The following PHLDB2 variants were observed in gnomAD, a reference collection of about 807,000 sequenced individuals.
The protein encoded by PHLDB2 is pleckstrin homology like domain family B member 2.
In PHLDB2, 71 loss-of-function variants were observed where a neutral mutation model predicts 123.6. The ratio of observed to expected loss-of-function variants is 0.57; its 90% CI spans 0.47 to 0.70. The LOEUF (loss-of-function observed/expected upper bound fraction) is 0.70. Ranked by LOEUF, PHLDB2 falls within the 30% of genes least tolerant of loss-of-function variation. The probability of loss-of-function intolerance (pLI) is 0.00; values close to 1 mark genes in which losing one functional copy is unlikely to be tolerated. For synonymous variants in PHLDB2, 547 were observed against 541.6 expected, an observed-to-expected ratio of 1.01 and a Z score of -0.14; for missense variants, 1,446 against 1,519.5, an observed-to-expected ratio of 0.95 and a Z score of 0.80.
chr3:111,822,087 T>C (rs2062413039), intron 1 of PHLDB2, among the ~76,000 whole-genome samples: 1 of 152,114 alleles, frequency 6.6e-6, no homozygotes, highest in Non-Finnish European at 1.5e-5. Flanking sequence ...ATTTGGCAAA[T>C]TTGGGTGATA....
Position 111,919,192 on chromosome 3 carries a change from C to A in PHLDB2, c.1840C>A (p.Gln614Lys), listed in dbSNP as rs201756409. ...LKQKIKDINDQMDESFRELDM... is the reference protein window; with the variant it reads ...LKQKIKDINDKMDESFRELDM... ...GCAAAAAATCAAAGACATAAATGAT[C>A]AGATGGATGAGTCTTTCAGAGAGGT... The change falls in exon 4 of 18, where the codon CAG (glutamine) becomes AAG (lysine). Residue 614 changes from glutamine to lysine, a missense_variant. Around this residue, in one of 3 missense-constraint regions of PHLDB2, gnomAD observed 832 missense variants for 831.9 expected, o/e 1.00. Transcript: ENST00000431670. 3 of 1,614,056 alleles carry A rather than the reference C, an allele frequency of 1.9e-6. No homozygotes were observed. The highest frequency in any genetic ancestry group is 1.1e-5 in the South Asian group (1 of 91,072).
intron 2 of PHLDB2, among the ~76,000 whole-genome samples, chr3:111,895,559 G>C (rs72938268): frequency 0.015 from 2,332 of 152,132 alleles, 48 homozygotes; most frequent in African/African-American, 0.053. Flanking sequence ...AAATATATAG[G>C]AGTGGAGGCC....
At chr3:111,766,864 C>A (rs2060091005) in intron 1 of PHLDB2, among the ~76,000 whole-genome samples, 1 of 151,950 alleles carries the variant, frequency 6.6e-6, no homozygotes, top group Admixed American at 6.6e-5. Context: ...GAAACCCCAT[C>A]TTTACTAAAA....
chr3:111,809,944 A>G (rs1050037404), intron 1 of PHLDB2, among the ~76,000 whole-genome samples: 1 of 152,218 alleles, frequency 6.6e-6, no homozygotes, highest in African/African-American at 2.4e-5. Flanking sequence ...CTCCCTCCTC[A>G]GCCTCCCAAG....
chr3:111,754,992 G>C (rs1481210876), intron 1 of PHLDB2, among the ~76,000 whole-genome samples: 7 of 151,996 alleles, frequency 4.6e-5, no homozygotes, highest in Non-Finnish European at 5.9e-5. Flanking sequence ...TGCATCCCAG[G>C]GATGAAGCCC....
intron 9 of PHLDB2, 23 bp downstream of exon 9, chr3:111,945,380 G>C (rs139768531): frequency 1.4e-6 from 2 of 1,480,808 alleles, no homozygotes. Flanking sequence ...TTTACATGTC[G>C]CTTTATGTTG....
At chr3:111,871,043 T>C (rs912499191) in intron 1 of PHLDB2, among the ~76,000 whole-genome samples, 2 of 152,232 alleles carry the variant, frequency 1.3e-5, no homozygotes, top group Non-Finnish European at 2.9e-5. Flanking sequence ...CTGAATTTGC[T>C]TCTGTAATCT....
In PHLDB2 at chr3:111,809,702, T is replaced by G. The variant is rs138584107; in HGVS notation, c.-48-36119T>G. Among the ~76,000 whole-genome samples, 334 of 152,308 alleles carry G rather than the reference T, an allele frequency of 2.2e-3. 1 individual carries two copies. The highest frequency in any genetic ancestry group is 6.1e-3 in the Admixed American group (93 of 15,288). On this transcript the variant is annotated intron_variant, in intron 1 of 17. Transcript: ENST00000393923. Reference sequence around the variant, plus strand: ...GCTCTGATTTGTGGTGGTGCTAAGTTTGGAAGAAATATGAATCAATGAAAT... The same window carrying G: ...GCTCTGATTTGTGGTGGTGCTAAGTGTGGAAGAAATATGAATCAATGAAAT...
rs1282501916 is a variant in PHLDB2, at chr3:111,966,664, G to T, written c.3129G>T (p.Lys1043Asn). Residue 1043 changes from lysine (K) to asparagine (N), a missense_variant, in exon 14 of 18, where the codon AAG becomes AAT. Around this residue, in one of 3 missense-constraint regions of PHLDB2, gnomAD observed 594 missense variants for 646.0 expected, o/e 0.92. Coordinates refer to ENST00000431670, the MANE Select transcript of PHLDB2 (RefSeq NM_001134438.2). ...TAGAAGAAATGGAGAGACTTTTGAA[G>T]CAGGCTCATGCAGAAAAGACGCGGC... ...ARIEEMERLL[K>N]QAHAEKTRLL... The T allele has an allele frequency of 1.2e-6, 2 of 1,613,462 alleles. No homozygotes were observed. Among genetic ancestry groups the T allele is most frequent in the Non-Finnish European group, 8.5e-7 (1 of 1,179,660 alleles).
intron 3 of PHLDB2, 107 bp downstream of exon 3, chr3:111,913,809 A>C: frequency 5.1e-6 from 7 of 1,382,840 alleles, no homozygotes; most frequent in Non-Finnish European, 6.8e-6. Flanking sequence ...GGATGTTTTC[A>C]GTGAAATTTC....
At chr3:111,955,067 TGTAATACATATATGCTACATATAC>T (rs2070958226) in intron 12 of PHLDB2, among the ~76,000 whole-genome samples, 1 of 151,542 alleles carries the variant, frequency 6.6e-6, no homozygotes, top group Non-Finnish European at 1.5e-5. Flanking sequence ...CGCACATATA[TGTAATACATATATGCTACATATAC>T]ATACATAAAT....
chr3:111,965,175 CTT>C (rs1349183928), intron 13 of PHLDB2, among the ~76,000 whole-genome samples: 2 of 152,202 alleles, frequency 1.3e-5, no homozygotes, highest in Non-Finnish European at 2.9e-5. Context: ...AGAACTTACT[CTT>C]TTGTATCTCC....
chr3:111,842,615 C>G (rs1340811422), intron 1 of PHLDB2, among the ~76,000 whole-genome samples: 1 of 152,116 alleles, frequency 6.6e-6, no homozygotes, highest in Non-Finnish European at 1.5e-5. Flanking sequence ...TGAGATATAA[C>G]TCACAGACCA....
In PHLDB2 at chr3:111,852,121, G is replaced by A. The variant is rs139982959; in HGVS notation, c.67+6186G>A. On this transcript the variant is annotated intron_variant, in intron 2 of 17. Coordinates refer to the PHLDB2 transcript ENST00000393923. ...CAGTATAAAACAGAGTAGGTGCTTC[G>A]TAAATTTGCCTTTAACATTCCTCAT... Among the ~76,000 whole-genome samples, 379 of 151,632 alleles carry A rather than the reference G, an allele frequency of 2.5e-3. 1 individual carries two copies. The highest frequency in any genetic ancestry group is 7.7e-3 in the African/African-American group (319 of 41,378).
chr3:111,966,427 C>A (rs1017329568), intron 13 of PHLDB2, among the ~76,000 whole-genome samples, 186 bp from the exon 14 acceptor site: 3 of 152,030 alleles, frequency 2.0e-5, no homozygotes, highest in Non-Finnish European at 4.4e-5. Flanking sequence ...TTTGCCTCTT[C>A]GGTCCAATGA....
chr3:111,938,020 G>C (rs866745700), intron 6 of PHLDB2, among the ~76,000 whole-genome samples: 48 of 152,026 alleles, frequency 3.2e-4, no homozygotes, highest in African/African-American at 1.1e-3. Flanking sequence ...CATAATTTCT[G>C]ATCTTCCTTA....
chr3:111,933,263 G>A (rs1055789952), intron 6 of PHLDB2, among the ~76,000 whole-genome samples: 2 of 152,212 alleles, frequency 1.3e-5, no homozygotes, highest in Non-Finnish European at 2.9e-5. Context: ...TTTGTCTTGA[G>A]TGATTAACAA....
chr3:111,812,085 A>G (rs1426739652), intron 1 of PHLDB2, among the ~76,000 whole-genome samples: 1 of 152,178 alleles, frequency 6.6e-6, no homozygotes, highest in African/African-American at 2.4e-5. Flanking sequence ...TAGATTAAAG[A>G]AAAGGGGCTT....
chr3:111,856,445 C>T (rs1376210203), upstream of PHLDB2, among the ~76,000 whole-genome samples: 4 of 152,204 alleles, frequency 2.6e-5, no homozygotes, highest in Non-Finnish European at 5.9e-5. Flanking sequence ...TAGTAACAAA[C>T]AGTAACTCTC....
Sources: allele counts gnomAD v4.1 joint callset (sites outside exome capture counted in the v4.1 genomes callset), GRCh38; gene constraint gnomAD v4.1.1; regional missense constraint gnomAD v4.1.1; transcripts MANE v1.5; gene names NCBI Gene and HGNC (gene_info 2026-07-23, HGNC 2026-07-21).